The following RANBP2 variants were observed in gnomAD, a reference collection of about 807,000 sequenced individuals.
The protein encoded by RANBP2 is RAN binding protein 2.
RANBP2 carries 57 observed loss-of-function variants against 303.6 expected under a neutral mutation model. The ratio of observed to expected loss-of-function variants is 0.19; its 90% CI spans 0.15 to 0.23. The LOEUF is 0.23. Ranked by LOEUF, RANBP2 falls within the 10% of genes least tolerant of loss-of-function variation. RANBP2 has a pLI of 1.00. For synonymous variants in RANBP2, 1,167 were observed against 1,301.5 expected, an observed-to-expected ratio of 0.90 and a Z score of 2.23; for missense variants, 3,138 against 3,780.8, an observed-to-expected ratio of 0.83 and a Z score of 4.46.
the RANBP2 span, among the ~76,000 whole-genome samples, chr2:108,977,645 A>G: frequency 1.3e-5 from 2 of 151,996 alleles, no homozygotes; most frequent in Non-Finnish European, 2.9e-5. Flanking sequence ...GGACATCTGG[A>G]CGTCCTCCCT....
chr2:109,511,677 G>T, the RANBP2 span, among the ~76,000 whole-genome samples: 1 of 152,238 alleles, frequency 6.6e-6, no homozygotes, highest in Non-Finnish European at 1.5e-5. Context: ...CCTCCAGCTG[G>T]CTTTGTGACC....
the RANBP2 span, among the ~76,000 whole-genome samples, chr2:109,231,305 T>C: frequency 6.6e-6 from 1 of 152,234 alleles, no homozygotes; most frequent in African/African-American, 2.4e-5. Context: ...AGAGGTGAGC[T>C]AATGCGATGA....
At chr2:109,038,823 A>G in the RANBP2 span, among the ~76,000 whole-genome samples, 8 of 152,178 alleles carry the variant, frequency 5.3e-5, no homozygotes, top group East Asian at 5.8e-4. Context: ...GTTTCTCCAC[A>G]TTCTAGTAGT....
chr2:109,344,922 A>G, the RANBP2 span, among the ~76,000 whole-genome samples: 1 of 152,136 alleles, frequency 6.6e-6, no homozygotes, highest in African/African-American at 2.4e-5. Context: ...GGGACATCAC[A>G]GGCACAGGTT....
the RANBP2 span, among the ~76,000 whole-genome samples, chr2:109,099,566 G>C: frequency 6.6e-6 from 1 of 151,984 alleles, no homozygotes; most frequent in Admixed American, 6.6e-5. Flanking sequence ...AGTTTTTAAG[G>C]TTTCTCTGAG....
At chr2:108,900,463 A>T in the RANBP2 span, among the ~76,000 whole-genome samples, 2 of 152,140 alleles carry the variant, frequency 1.3e-5, no homozygotes, top group South Asian at 4.2e-4. Flanking sequence ...CTGAGGCAGG[A>T]GAACCACTTG....
intron 17 of RANBP2, among the ~76,000 whole-genome samples, chr2:108,757,661 A>C (rs1021559653): frequency 6.6e-6 from 1 of 152,230 alleles, no homozygotes; most frequent in African/African-American, 2.4e-5. Flanking sequence ...AATGTCAGGT[A>C]GTCCAGATTG....
chr2:108,782,736 T>G lies in RANBP2; in HGVS notation c.9243T>G (p.Thr3081=). Residue 3081 remains threonine, a synonymous_variant, in exon 28 of 29, where the codon ACT becomes ACG. Coordinates refer to ENST00000283195, the MANE Select transcript of RANBP2 (RefSeq NM_006267.5). ...ACGGTGAACCTCTAGGGCGGATAAC[T>G]ATGGAATTATTTTCAAACATTGTTC... is the stretch of plus-strand genomic sequence containing the variant. The part of the protein sequence containing the change: ...CADGEPLGRI[T]MELFSNIVPR... The G allele has an allele frequency of 6.2e-7, 1 of 1,614,246 alleles. No individual in the cohort carries two copies. The highest frequency in any genetic ancestry group is 1.6e-4 in the Middle Eastern group (1 of 6,062).
chr2:109,402,972 C>A, the RANBP2 span, among the ~76,000 whole-genome samples: 1 of 152,242 alleles, frequency 6.6e-6, no homozygotes, highest in South Asian at 2.1e-4. Flanking sequence ...CTGTCCAACG[C>A]ATCGACTGCA....
chr2:109,542,504 A>C, the RANBP2 span, among the ~76,000 whole-genome samples: 3 of 152,234 alleles, frequency 2.0e-5, no homozygotes, highest in African/African-American at 4.8e-5. Flanking sequence ...CTTTATAAAC[A>C]GTATGGTCAA....
At chr2:108,987,286 C>T in the RANBP2 span, among the ~76,000 whole-genome samples, 4 of 152,222 alleles carry the variant, frequency 2.6e-5, no homozygotes, top group East Asian at 7.7e-4. Context: ...CATCTGTGGG[C>T]CTATGAGACC....
At chr2:109,764,293 T>C in the RANBP2 span, among the ~76,000 whole-genome samples, 5 of 147,336 alleles carry the variant, frequency 3.4e-5, no homozygotes. Context: ...GCAGCAGATA[T>C]GCAGAGGCGC....
the RANBP2 span, among the ~76,000 whole-genome samples, chr2:109,568,815 C>T: frequency 6.6e-6 from 1 of 152,164 alleles, no homozygotes; most frequent in Admixed American, 6.5e-5. Flanking sequence ...CTGTGCCCCA[C>T]TGTCACAGAC....
chr2:109,345,669 GT>G, the RANBP2 span, among the ~76,000 whole-genome samples: 7 of 152,198 alleles, frequency 4.6e-5, no homozygotes, highest in Non-Finnish European at 2.9e-5. Flanking sequence ...GTAGCCAATA[GT>G]GAAAATACTC....
the RANBP2 span, chr2:109,594,601 C>T: frequency 7.2e-5 from 11 of 152,246 alleles, no homozygotes; most frequent in Admixed American, 7.2e-4. Flanking sequence ...TTCATTGAGA[C>T]TGTCCTCTCC....
chr2:109,257,966 T>C, the RANBP2 span, among the ~76,000 whole-genome samples: 9 of 151,212 alleles, frequency 6.0e-5, no homozygotes, highest in African/African-American at 2.2e-4. Context: ...ATTCTAGCAT[T>C]TCTTTCCCTG....
chr2:108,736,148 C>G lies in RANBP2; in HGVS notation c.681C>G (p.Asp227Glu), dbSNP rs1558881865. Residue 227 changes from aspartate to glutamate, a missense_variant, in exon 6 of 29, where the codon GAC becomes GAG. Asp to Glu is a conservative substitution (Grantham distance 45). This residue lies in a region of RANBP2 where 306 missense variants were observed against 381.9 expected (regional missense o/e 0.80). Transcript: ENST00000283195. The part of the protein sequence containing the change: ...SLQCLESDKS[D>E]WRATNTDLLL... Reference sequence around the variant, plus strand: ...AGTGTTTGGAGTCTGATAAAAGTGACTGGCGAGCAACCAATACAGACTTAC... The same window carrying G: ...AGTGTTTGGAGTCTGATAAAAGTGAGTGGCGAGCAACCAATACAGACTTAC... 2 of 1,611,826 alleles carry G rather than the reference C, an allele frequency of 1.2e-6. No individual in the cohort carries two copies. The highest frequency in any genetic ancestry group is 8.5e-7 in the Non-Finnish European group (1 of 1,179,844).
At chr2:109,250,975 C>CT in the RANBP2 span, among the ~76,000 whole-genome samples, 60 of 149,796 alleles carry the variant, frequency 4.0e-4, no homozygotes, top group Non-Finnish European at 4.8e-4. Context: ...TTCTGTATAG[C>CT]TTTTTTTTTC....
the RANBP2 span, among the ~76,000 whole-genome samples, chr2:109,711,217 C>T: frequency 3.9e-5 from 6 of 152,100 alleles, no homozygotes; most frequent in African/African-American, 1.4e-4. Flanking sequence ...GCAGCTCCGT[C>T]CCTATGCCCA....
Sources: gnomAD v4.1 joint callset for allele counts (sites outside exome capture counted in the v4.1 genomes callset) on GRCh38, gnomAD v4.1.1 for gene constraint, gnomAD v4.1.1 regional missense constraint, MANE v1.5 for transcripts, NCBI Gene and HGNC (gene_info 2026-07-23, HGNC 2026-07-21) for gene names.